The following EPHA10 variants were observed in gnomAD, a reference collection of about 807,000 sequenced individuals.
The protein encoded by EPHA10 is EPH receptor A10, also known as ephrin type-A receptor 10.
In EPHA10, 120 loss-of-function variants were observed where a neutral mutation model predicts 109.7. The ratio of observed to expected loss-of-function variants is 1.09; its 90% confidence interval spans 0.94 to 1.27. EPHA10 has a LOEUF of 1.27. Among genes scored for constraint, EPHA10 ranks in the 50% most tolerant of loss-of-function variants. The pLI is 0.00. For missense variants in EPHA10, 1,396 were observed against 1,411.1 expected, an observed-to-expected ratio of 0.99 and a Z score of 0.17; for synonymous variants, 640 against 618.9, an observed-to-expected ratio of 1.03 and a Z score of -0.51.
chr1:37,721,056 C>T (rs1645786135), intron 11 of EPHA10, among the ~76,000 whole-genome samples: 1 of 152,054 alleles, frequency 6.6e-6, no homozygotes, highest in African/African-American at 2.4e-5. Context: ...AGGTCATGAG[C>T]TGCAACAAGC....
rs536145446 is a variant in EPHA10, at chr1:37,728,762, G to A, written c.1664-1552C>T. ...GAGGAACAGAAGACGAGAGTTAGAA[G>A]CCAAAAATGCTAGAGTCAGAGAGGG... is the stretch of plus-strand genomic sequence containing the variant. On this transcript the variant is annotated intron_variant, in intron 7 of 16. Coordinates refer to ENST00000373048, the MANE Select transcript of EPHA10 (RefSeq NM_001099439.2). Among the ~76,000 whole-genome samples, 12 of 152,236 alleles carry A rather than the reference G, an allele frequency of 7.9e-5. No individual in the cohort carries two copies. In the South Asian group the frequency reaches 2.3e-3, roughly 29 times the overall value.
chr1:37,722,950 C>T (rs1645823547), intron 10 of EPHA10, 91 bp downstream of exon 10: 2 of 1,591,976 alleles, frequency 1.3e-6, no homozygotes, highest in South Asian at 2.2e-5. Context: ...AGGTGGGCTT[C>T]AGGATAGAGG....
At chr1:37,719,804 G>A (rs1200802555) in intron 14 of EPHA10, 105 bp downstream of exon 14, 1 of 1,571,944 alleles carries the variant, frequency 6.4e-7, no homozygotes, top group Non-Finnish European at 8.7e-7. Context: ...ACAGAGAAGA[G>A]GGGCCTGAGG....
intron 5 of EPHA10, among the ~76,000 whole-genome samples, chr1:37,737,657 C>T (rs1646089818): frequency 6.6e-6 from 1 of 152,156 alleles, no homozygotes; most frequent in African/African-American, 2.4e-5. Context: ...GATAAAACTC[C>T]TAGAAGAAAA....
At chr1:37,726,691 C>T (rs921657445) in intron 8 of EPHA10, among the ~76,000 whole-genome samples, 1 of 152,196 alleles carries the variant, frequency 6.6e-6, no homozygotes, top group Admixed American at 6.5e-5. Context: ...GCCCCTCCCA[C>T]ACACATACAT....
At chr1:37,723,407 G>A in intron 8 of EPHA10, 35 bp from the exon 9 acceptor site, 6 of 1,610,166 alleles carry the variant, frequency 3.7e-6, no homozygotes, top group Non-Finnish European at 4.2e-6. Flanking sequence ...TTTCAGCCAG[G>A]CCACCCCGGC....
intron 1 of EPHA10, among the ~76,000 whole-genome samples, chr1:37,763,721 C>G (rs1646452788): frequency 6.6e-6 from 1 of 151,868 alleles, no homozygotes; most frequent in East Asian, 1.9e-4. Flanking sequence ...CTGTATATAC[C>G]CCCCAATCCA....
chr1:37,753,646 G>A (rs1462828592), intron 4 of EPHA10, among the ~76,000 whole-genome samples: 5 of 136,790 alleles, frequency 3.7e-5, no homozygotes, highest in African/African-American at 1.3e-4. Context: ...CCCGGGGCAA[G>A]CGGGAGCAGG....
intron 5 of EPHA10, among the ~76,000 whole-genome samples, chr1:37,745,287 A>G (rs1419406898): frequency 1.3e-5 from 2 of 152,212 alleles, no homozygotes; most frequent in Non-Finnish European, 2.9e-5. Context: ...AAGATGTTCA[A>G]TATCATTAGT....
intron 5 of EPHA10, 150 bp from the exon 6 acceptor site, chr1:37,735,540 C>T (rs1388520048): frequency 4.3e-6 from 4 of 924,974 alleles, no homozygotes; most frequent in Non-Finnish European, 6.4e-6. Context: ...GGCTAGGGAA[C>T]TGACTGAGAG....
At chr1:37,721,552 AG>A in intron 11 of EPHA10, 107 bp downstream of exon 11, 1 of 1,191,770 alleles carries the variant, frequency 8.4e-7, no homozygotes, top group Non-Finnish European at 1.1e-6. Flanking sequence ...TCCCTCCCAT[AG>A]CTGAGGGAAG....
At chr1:37,751,295 G>A (rs930725634) in intron 5 of EPHA10, among the ~76,000 whole-genome samples, 3 of 150,576 alleles carry the variant, frequency 2.0e-5, no homozygotes, top group Admixed American at 1.3e-4. Flanking sequence ...AGCCTGGCAT[G>A]AGGTGGCTCA....
chr1:37,753,059 ACGGCTCGCAGGCGCCCGCCGGGCCCTCG>A lies in EPHA10; in HGVS notation c.1146_1173del (p.Glu383AlafsTer116). 4 of 1,259,342 alleles carry A rather than the reference ACGGCTCGCAGGCGCCCGCCGGGCCCTCG, an allele frequency of 3.2e-6. No individual in the cohort carries two copies. The highest frequency in any genetic ancestry group is 4.0e-6 in the Non-Finnish European group (4 of 1,004,334). The allele number at this position is 1,259,342 out of a possible 1,614,324, so 78.0% of individuals were successfully genotyped here. A position where few individuals can be genotyped will look rare whatever the true frequency, so the allele number is the denominator to read the frequency against. ...GGTAGGAAGGCCACGCGCGGCCCGC[ACGGCTCGCAGGCGCCCGCCGGGCCCTCG>A]CGGCCGCAGCGCAGGCACAGCAGCG... On this transcript the variant is annotated frameshift_variant, in exon 5 of 17. Coordinates refer to ENST00000373048, the MANE Select transcript of EPHA10 (RefSeq NM_001099439.2). LOFTEE classifies it high-confidence loss of function.
intron 8 of EPHA10, among the ~76,000 whole-genome samples, chr1:37,725,502 A>G (rs920357024): frequency 2.6e-5 from 3 of 113,442 alleles, no homozygotes; most frequent in East Asian, 2.3e-4. Context: ...GCAAGGCTCC[A>G]TCTCAAAAAA....
intron 15 of EPHA10, among the ~76,000 whole-genome samples, 155 bp downstream of exon 15, chr1:37,719,259 T>TGGGC (rs1645744605): frequency 6.6e-6 from 1 of 152,178 alleles, no homozygotes; most frequent in Non-Finnish European, 1.5e-5. Context: ...GAGGTGGGCC[T>TGGGC]GGGCAGGCAG....
Position 37,735,533 on chromosome 1 carries a change from T to C in EPHA10, c.1358-143A>G, listed in dbSNP as rs1039465696. ...TGGTCTAACGGGCTGTGGGCGGGGC[T>C]AGGGAACTGACTGAGAGGCATGGCC... is the stretch of plus-strand genomic sequence containing the variant. On this transcript the variant is annotated intron_variant, in intron 5 of 16. Coordinates refer to ENST00000373048, the MANE Select transcript of EPHA10 (RefSeq NM_001099439.2). 71 of 989,598 alleles carry C rather than the reference T, an allele frequency of 7.2e-5. No homozygotes were observed. The Admixed American group carries it at 1.6e-3, about 23-fold the overall frequency. The allele number at this position is 989,598 out of a possible 1,614,324, so 61.3% of individuals were successfully genotyped here. A position where few individuals can be genotyped will look rare whatever the true frequency, so the allele number is the denominator to read the frequency against.
intron 3 of EPHA10, among the ~76,000 whole-genome samples, chr1:37,756,227 G>C (rs1646391753): frequency 6.6e-6 from 1 of 152,142 alleles, no homozygotes; most frequent in Non-Finnish European, 1.5e-5. Context: ...TGCCTCTCTG[G>C]CCTCAAAAAA....
rs532636079 is a variant in EPHA10, at chr1:37,735,564, A to G, written c.1358-174T>C. Among the ~76,000 whole-genome samples the G allele has an allele frequency of 1.4e-3, 210 of 152,144 alleles. 4 individuals are homozygous for G. The highest frequency in any genetic ancestry group is 1.9e-4 in the Non-Finnish European group (13 of 68,004). On this transcript the variant is annotated intron_variant, in intron 5 of 16. Transcript: ENST00000373048. ...ACTGACTGAGAGGCATGGCCAAAGG[A>G]GAGGAGTCTGTGGGACCAGAGGAAA...
chr1:37,751,200 T>G (rs1289626899), intron 5 of EPHA10, among the ~76,000 whole-genome samples: 1 of 31,384 alleles, frequency 3.2e-5, no homozygotes, highest in Non-Finnish European at 5.3e-5. Flanking sequence ...GAGACTCCTC[T>G]CAAAAAAAAA....
Sources: allele counts gnomAD v4.1 joint callset (sites outside exome capture counted in the v4.1 genomes callset), GRCh38; gene constraint gnomAD v4.1.1; transcripts MANE v1.5; gene names NCBI Gene and HGNC (gene_info 2026-07-23, HGNC 2026-07-21).